ADK: variants seen among roughly 807,000 people sequenced by gnomAD.
The protein encoded by ADK is N6,N6-dimethyladenosine kinase.
In ADK, 24 loss-of-function variants were observed where a neutral mutation model predicts 44.7. The ratio of observed to expected loss-of-function variants is 0.54; its 90% CI spans 0.39 to 0.76. The LOEUF (loss-of-function observed/expected upper bound fraction) is 0.76. Among genes scored for constraint, ADK ranks in the 30% least tolerant of loss-of-function variants. The pLI is 0.00. For missense variants in ADK, 321 were observed against 425.1 expected (o/e 0.76, Z 2.15); for synonymous variants, 128 against 142.6 (o/e 0.90, Z 0.73).
At chr10:74,492,356 A>G (rs1011498368) in intron 6 of ADK, among the ~76,000 whole-genome samples, 7 of 152,046 alleles carry the variant, frequency 4.6e-5, no homozygotes, top group African/African-American at 1.7e-4. Context: ...AGTCCTAGCT[A>G]TTTGGGAGGC....
intron 5 of ADK, among the ~76,000 whole-genome samples, chr10:74,397,711 A>C (rs953658086): frequency 2.6e-5 from 4 of 151,786 alleles, no homozygotes; most frequent in African/African-American, 7.3e-5. Flanking sequence ...CTAATTTTTA[A>C]AATTATTTTG....
chr10:74,401,618 T>C (rs546703819), intron 6 of ADK, among the ~76,000 whole-genome samples: 1,593 of 152,274 alleles, frequency 0.01, 28 homozygotes, highest in African/African-American at 0.037. Flanking sequence ...CATCCCTTTA[T>C]TTTGAGCCTA....
rs1354741122 is a variant in ADK at position 74,589,387 on chromosome 10, T to C, written c.762+70T>C. 4.0e-6 allele frequency: 6 copies of C among 1,487,436 alleles called. No homozygotes were observed. The African/African-American group carries it at 6.9e-5, about 17-fold the overall frequency. The allele number at this position is 1,487,436 out of a possible 1,614,324, so 92.1% of individuals were successfully genotyped here. On this transcript the variant is annotated intron_variant, in intron 8 of 10. Transcript: ENST00000539909. ...TTTCTAGCTGATAATGAAGTTCTTTTGGACAGTGATTGATGTGCTATTATA... is the reference window on the plus strand; with the variant it reads ...TTTCTAGCTGATAATGAAGTTCTTTCGGACAGTGATTGATGTGCTATTATA...
chr10:74,480,731 AGGTAT>A lies in ADK; in HGVS notation c.556-44523_556-44519del, dbSNP rs1289182968. The stretch of plus-strand genomic sequence containing the variant: ...TTTCTTGTTTGGGGTCAGTTTTTCC[AGGTAT>A]GCAATAATAAGCTGGAAATATAGTT... On this transcript the variant is annotated intron_variant, in intron 6 of 10. Coordinates refer to ENST00000539909, the MANE Select transcript of ADK (RefSeq NM_006721.4). Among the ~76,000 whole-genome samples the A allele has an allele frequency of 2.0e-3, 305 of 152,334 alleles. 3 individuals carry two copies. The highest frequency in any genetic ancestry group is 2.3e-3 in the East Asian group (12 of 5,190).
intron 10 of ADK, among the ~76,000 whole-genome samples, chr10:74,679,825 G>A (rs981966068): frequency 6.6e-6 from 1 of 152,054 alleles, no homozygotes; most frequent in South Asian, 2.1e-4. Flanking sequence ...GCAAGGTGTG[G>A]TGGTGGGTGC....
intron 3 of ADK, among the ~76,000 whole-genome samples, chr10:74,241,481 G>A (rs1845204874): frequency 6.6e-6 from 1 of 151,894 alleles, no homozygotes; most frequent in Admixed American, 6.6e-5. Context: ...TATCTCCCGG[G>A]TTCAAGCAAT....
At chr10:74,382,397 C>T (rs1843000249) in intron 4 of ADK, among the ~76,000 whole-genome samples, 2 of 152,122 alleles carry the variant, frequency 1.3e-5, no homozygotes, top group Non-Finnish European at 2.9e-5. Flanking sequence ...CCGCACCTGG[C>T]CCTTTCTCAC....
intron 1 of ADK, chr10:74,176,549 C>T: frequency 1.5e-6 from 2 of 1,303,480 alleles, no homozygotes; most frequent in South Asian, 3.7e-5. Context: ...TGACGGGACG[C>T]TGTTACTAGG....
At chr10:74,571,904 C>T (rs112190349) in intron 7 of ADK, among the ~76,000 whole-genome samples, 2,244 of 152,156 alleles carry the variant, frequency 0.015, 47 homozygotes, top group African/African-American at 0.043. Flanking sequence ...TGTCTCTGCA[C>T]GTGAGATGGG....
intron 3 of ADK, among the ~76,000 whole-genome samples, chr10:74,298,390 T>G (rs1423021084): frequency 6.6e-6 from 1 of 152,172 alleles, no homozygotes; most frequent in East Asian, 1.9e-4. Context: ...AGCTAAAGAA[T>G]ATTTTCAGAA....
rs1025836399 is a variant in ADK, at chr10:74,371,475, A to G, written c.274-22666A>G. ...AAATGGCTTTTCACACTACCCACAT[A>G]GACGTCCATACGGCGTTCTTTCTGG... On this transcript the variant is annotated intron_variant, in intron 4 of 10. Transcript: ENST00000539909. The G allele has an allele frequency of 1.5e-5, 10 of 660,950 alleles. No individual in the cohort carries two copies. The East Asian group carries it at 2.7e-4, about 18-fold the overall frequency. 40.9% of individuals were successfully genotyped at this position (660,950 alleles called of 1,614,324 possible).
chr10:74,294,578 C>G (rs1839744389), intron 3 of ADK, among the ~76,000 whole-genome samples: 1 of 152,106 alleles, frequency 6.6e-6, no homozygotes, highest in Non-Finnish European at 1.5e-5. Flanking sequence ...TGAGCCACCA[C>G]CCCTGGCCCA....
chr10:74,154,006 G>A (rs1841685134), intron 1 of ADK, among the ~76,000 whole-genome samples: 1 of 152,162 alleles, frequency 6.6e-6, no homozygotes, highest in Non-Finnish European at 1.5e-5. Context: ...AATAAGTGGG[G>A]TTTGGGAAAA....
chr10:74,664,448 A>G (rs1467211419), intron 9 of ADK, among the ~76,000 whole-genome samples: 1 of 152,222 alleles, frequency 6.6e-6, no homozygotes, highest in Non-Finnish European at 1.5e-5. Context: ...AGAGATGAGG[A>G]GAGGGAGATT....
At chr10:74,414,537 A>T (rs1049095933) in intron 6 of ADK, among the ~76,000 whole-genome samples, 19 of 152,198 alleles carry the variant, frequency 1.2e-4, no homozygotes, top group Non-Finnish European at 2.6e-4. Flanking sequence ...GGAGTTGGAG[A>T]CCAGCCTGGC....
intron 7 of ADK, among the ~76,000 whole-genome samples, chr10:74,583,920 C>T (rs1237416391): frequency 6.6e-6 from 1 of 152,190 alleles, no homozygotes; most frequent in East Asian, 1.9e-4. Context: ...CTCAGATCCT[C>T]ACTGGTTATT....
intron 7 of ADK, among the ~76,000 whole-genome samples, chr10:74,537,045 C>T (rs950634461): frequency 6.6e-6 from 1 of 152,112 alleles, no homozygotes; most frequent in South Asian, 2.1e-4. Context: ...ACAACAGGTA[C>T]ACCATTTTAC....
intron 7 of ADK, among the ~76,000 whole-genome samples, chr10:74,584,844 A>G (rs1248360670): frequency 6.6e-6 from 1 of 152,224 alleles, no homozygotes; most frequent in Non-Finnish European, 1.5e-5. Flanking sequence ...GTCAGTATAC[A>G]GAAATCATTG....
intron 1 of ADK, among the ~76,000 whole-genome samples, chr10:74,195,478 CTTTA>C (rs935753099): frequency 1.3e-5 from 2 of 151,802 alleles, no homozygotes; most frequent in African/African-American, 2.4e-5. Flanking sequence ...TTATATGCTA[CTTTA>C]TTTAATTAAT....
Sources: allele counts gnomAD v4.1 joint callset (sites outside exome capture counted in the v4.1 genomes callset), GRCh38; gene constraint gnomAD v4.1.1; transcripts MANE v1.5; gene names NCBI Gene and HGNC (gene_info 2026-07-23, HGNC 2026-07-21).